Variants in FAM178B observed in about 807,000 individuals in gnomAD.
FAM178B encodes family with sequence similarity 178 member B, also known as protein FAM178B.
FAM178B carries 82 observed loss-of-function variants against 91.7 expected under a neutral mutation model. That is an observed-to-expected ratio of 0.89 (90% CI 0.75 to 1.07). The LOEUF (loss-of-function observed/expected upper bound fraction) is 1.07, where lower values mean the gene tolerates loss of function less well. Among genes scored for constraint, FAM178B ranks in the 50% least tolerant of loss-of-function variants. The pLI, the probability that FAM178B is intolerant of heterozygous loss-of-function variation, is 0.00. For missense variants in FAM178B, 769 were observed against 846.7 expected (o/e 0.91, Z 1.14); for synonymous variants, 368 against 359.4 (o/e 1.02, Z -0.27).
chr2:96,883,944 C>T (rs1213382729), intron 14 of FAM178B, among the ~76,000 whole-genome samples: 1 of 152,192 alleles, frequency 6.6e-6, no homozygotes, highest in African/African-American at 2.4e-5. Flanking sequence ...ATCATTGCCA[C>T]ACACGAGTCC....
intron 8 of FAM178B, among the ~76,000 whole-genome samples, chr2:96,932,140 C>T (rs1041574838): frequency 6.6e-6 from 1 of 152,168 alleles, no homozygotes; most frequent in Admixed American, 6.5e-5. Context: ...AGCCTCAGAC[C>T]CCAAGGAGGT....
intron 4 of FAM178B, among the ~76,000 whole-genome samples, chr2:96,968,258 C>T (rs1032734375): frequency 2.0e-5 from 3 of 152,038 alleles, no homozygotes; most frequent in Non-Finnish European, 4.4e-5. Context: ...CTCTCTTTAG[C>T]CTTCCGGCCT....
chr2:96,974,476 G>T (rs1002021248), intron 1 of FAM178B, among the ~76,000 whole-genome samples: 1 of 143,738 alleles, frequency 7.0e-6, no homozygotes, highest in African/African-American at 2.6e-5. Context: ...GGAAGAAAAA[G>T]AAAAATATAT....
At chr2:96,887,778 AGACCCAGGTAG>A (rs2080565165) in intron 14 of FAM178B, among the ~76,000 whole-genome samples, 1 of 152,174 alleles carries the variant, frequency 6.6e-6, no homozygotes, top group Non-Finnish European at 1.5e-5. Context: ...AAGGATGAGG[AGACCCAGGTAG>A]AGTGTTAGGT....
chr2:96,972,729 T>G, intron 1 of FAM178B, 123 bp from the exon 2 acceptor site: 1 of 784,298 alleles, frequency 1.3e-6, no homozygotes, highest in Non-Finnish European at 2.0e-6. Context: ...CCCTGAGGAC[T>G]GGCCTTCTGA....
intron 1 of FAM178B, among the ~76,000 whole-genome samples, chr2:96,983,628 T>C (rs983288608): frequency 6.6e-6 from 1 of 152,204 alleles, no homozygotes; most frequent in African/African-American, 2.4e-5. Flanking sequence ...TTTCATTGTG[T>C]TGCCCAGGCT....
chr2:96,920,238 CG>C (rs2081311884), intron 12 of FAM178B, among the ~76,000 whole-genome samples: 1 of 152,152 alleles, frequency 6.6e-6, no homozygotes, highest in Non-Finnish European at 1.5e-5. Context: ...AGAGAGAAGC[CG>C]GGCCAGATTC....
Position 96,889,711 on chromosome 2 carries a change from A to C in FAM178B, c.1776+4215T>G, listed in dbSNP as rs1035454302. Among the ~76,000 whole-genome samples the C allele has an allele frequency of 6.8e-4, 93 of 137,170 alleles. 1 individual carries two copies. In the East Asian group the frequency reaches 8.3e-3, roughly 12 times the overall value. The allele number at this position is 137,170 out of a possible 152,430, so 90.0% of individuals were successfully genotyped here. ...AAATAAATAAATAAATAAATAAATAAATAAATAAATACAAAAAAAAATAGA... is the reference window on the plus strand; with the variant it reads ...AAATAAATAAATAAATAAATAAATACATAAATAAATACAAAAAAAAATAGA... On this transcript the variant is annotated intron_variant, in intron 14 of 16. Coordinates refer to ENST00000490605, the MANE Select transcript of FAM178B (RefSeq NM_001122646.3).
chr2:96,962,147 C>G (rs957178527), intron 5 of FAM178B, among the ~76,000 whole-genome samples: 3 of 151,992 alleles, frequency 2.0e-5, no homozygotes, highest in Admixed American at 1.3e-4. Flanking sequence ...ACTAAAAATA[C>G]AAAAATTAGC....
chr2:96,920,411 C>A (rs2153370781), intron 12 of FAM178B, among the ~76,000 whole-genome samples: 1 of 152,282 alleles, frequency 6.6e-6, no homozygotes, highest in Non-Finnish European at 1.5e-5. Context: ...ACCATCCTGG[C>A]TAACACGGTG....
intron 5 of FAM178B, among the ~76,000 whole-genome samples, chr2:96,961,339 G>A (rs1482818556): frequency 6.7e-6 from 1 of 149,990 alleles, no homozygotes; most frequent in Admixed American, 6.6e-5. Flanking sequence ...GTGTGTGTGT[G>A]TACACACACA....
intron 6 of FAM178B, chr2:96,956,684 G>A (rs1559095946): frequency 6.6e-6 from 1 of 152,158 alleles, no homozygotes; most frequent in African/African-American, 2.4e-5. Flanking sequence ...GGTATAACGA[G>A]GAAAATGAAA....
In FAM178B at chr2:96,875,997, A is replaced by G. The variant is rs2080231778; in HGVS notation, c.*279T>C. The G allele has an allele frequency of 6.0e-6, 3 of 503,708 alleles. No individual in the cohort carries two copies. The highest frequency in any genetic ancestry group is 1.1e-5 in the Non-Finnish European group (3 of 280,228). 31.2% of individuals were successfully genotyped at this position (503,708 alleles called of 1,614,324 possible). A position where few individuals can be genotyped will look rare whatever the true frequency, so the allele number is the denominator to read the frequency against. ...AGGGAAACCAGAGCTATGGAGACAGAGGCCTTAGGGAAGAGGAGATGGCTG... is the reference window on the plus strand; with the variant it reads ...AGGGAAACCAGAGCTATGGAGACAGGGGCCTTAGGGAAGAGGAGATGGCTG... On this transcript the variant is annotated 3_prime_UTR_variant, in exon 17 of 17. Coordinates refer to ENST00000490605, the MANE Select transcript of FAM178B (RefSeq NM_001122646.3).
intron 8 of FAM178B, among the ~76,000 whole-genome samples, chr2:96,943,116 A>G (rs2081761902): frequency 6.6e-6 from 1 of 152,246 alleles, no homozygotes; most frequent in South Asian, 2.1e-4. Flanking sequence ...TTGACACCAC[A>G]AAAGAAAAAA....
intron 6 of FAM178B, among the ~76,000 whole-genome samples, chr2:96,953,945 G>C (rs1730129): frequency 0.75 from 114,658 of 152,092 alleles, 44,352 homozygotes; most frequent in Middle Eastern, 0.83. Flanking sequence ...GAGGAAAAGG[G>C]AAAAAGGAAA....
chr2:96,967,909 G>GTTTTTTTTTT (rs1318481195), intron 4 of FAM178B, among the ~76,000 whole-genome samples: 9 of 40,214 alleles, frequency 2.2e-4, no homozygotes, highest in Non-Finnish European at 7.1e-4. Context: ...ACCCTGTTTG[G>GTTTTTTTTTT]TCTTTTTTTT....
intron 1 of FAM178B, among the ~76,000 whole-genome samples, chr2:96,978,493 C>A (rs992035185): frequency 1.3e-5 from 2 of 152,130 alleles, no homozygotes; most frequent in Non-Finnish European, 2.9e-5. Context: ...TCCTTCTGTA[C>A]ATCCAAGTAC....
At chr2:96,924,745 A>G (rs1466347870) in intron 9 of FAM178B, among the ~76,000 whole-genome samples, 1 of 152,192 alleles carries the variant, frequency 6.6e-6, no homozygotes, top group East Asian at 1.9e-4. Flanking sequence ...CTCCACTCTT[A>G]AGAAACGGCT....
At chr2:96,923,694 C>A (rs998709463) in intron 9 of FAM178B, 111 bp from the exon 10 acceptor site, 2 of 753,898 alleles carry the variant, frequency 2.7e-6, no homozygotes, top group East Asian at 5.5e-5. Flanking sequence ...CCGCTGGACA[C>A]AGCAAATTCT....
Sources: allele counts gnomAD v4.1 joint callset (sites outside exome capture counted in the v4.1 genomes callset), GRCh38; gene constraint gnomAD v4.1.1; transcripts MANE v1.5; gene names NCBI Gene and HGNC (gene_info 2026-07-23, HGNC 2026-07-21).